Variants in UBE2G2 observed in about 807,000 individuals in gnomAD.
UBE2G2 encodes ubiquitin conjugating enzyme E2 G2.
UBE2G2 carries 10 observed loss-of-function variants against 23.0 expected under a neutral mutation model. The observed-to-expected ratio is 0.43, with a 90% CI of 0.27 to 0.74. UBE2G2 has a LOEUF of 0.74. Ranked by LOEUF, UBE2G2 falls within the 30% of genes least tolerant of loss-of-function variation. The pLI is 0.19. For synonymous variants in UBE2G2, 86 were observed against 81.3 expected (o/e 1.06, Z -0.31); for missense variants, 150 against 218.3 (o/e 0.69, Z 1.97).
At chr21:44,778,892 G>C (rs1338278160) in intron 3 of UBE2G2, among the ~76,000 whole-genome samples, 1 of 152,190 alleles carries the variant, frequency 6.6e-6, no homozygotes, top group East Asian at 1.9e-4. Flanking sequence ...GCAGAGGACA[G>C]TCCACACCAG....
chr21:44,778,245 G>A (rs2082927860), intron 3 of UBE2G2, among the ~76,000 whole-genome samples: 1 of 152,256 alleles, frequency 6.6e-6, no homozygotes, highest in South Asian at 2.1e-4. Flanking sequence ...TCAAGAAGCA[G>A]ATGAAGAGCA....
chr21:44,797,584 G>A (rs1032672963), intron 1 of UBE2G2, among the ~76,000 whole-genome samples: 28 of 151,916 alleles, frequency 1.8e-4, no homozygotes, highest in South Asian at 4.2e-4. Context: ...GCATGGTGGC[G>A]CGCGCCTGTA....
rs552259450 is a variant in UBE2G2 at position 44,771,240 on chromosome 21, G to GAA, written c.*135_*136dup. 397 of 579,024 alleles carry GAA rather than the reference G, an allele frequency of 6.9e-4. No individual in the cohort carries two copies. The highest frequency in any genetic ancestry group is 1.4e-3 in the South Asian group (58 of 41,338). The allele number at this position is 579,024 out of a possible 1,614,324, so 35.9% of individuals were successfully genotyped here. A position where few individuals can be genotyped will look rare whatever the true frequency, so the allele number is the denominator to read the frequency against. ...AGCCTGTTTGAAGTAGGAAAGGTTTGAAAAAAAAAAAAGATGCCATGGTTC... is the reference window on the plus strand; with the variant it reads ...AGCCTGTTTGAAGTAGGAAAGGTTTGAAAAAAAAAAAAAAGATGCCATGGTTC... On this transcript the variant is annotated 3_prime_UTR_variant, in exon 6 of 6. Coordinates refer to ENST00000345496, the MANE Select transcript of UBE2G2 (RefSeq NM_003343.6). The surrounding 1 kb of genome is among the most constrained non-coding windows in gnomAD (Gnocchi z 4.6).
intron 5 of UBE2G2, 63 bp downstream of exon 5, chr21:44,773,484 G>A: frequency 1.3e-6 from 2 of 1,550,310 alleles, no homozygotes; most frequent in Admixed American, 1.8e-5. Context: ...GATGACGCAA[G>A]GCTGGAGAAC....
chr21:44,794,254 A>G (rs2083067775), intron 1 of UBE2G2, among the ~76,000 whole-genome samples: 1 of 152,344 alleles, frequency 6.6e-6, no homozygotes, highest in African/African-American at 2.4e-5. Flanking sequence ...TGTGTGGTAG[A>G]GCAGCCCTAG....
At chr21:44,801,519 C>T in intron 1 of UBE2G2, 187 bp downstream of exon 1, 1 of 1,105,116 alleles carries the variant, frequency 9.0e-7, no homozygotes, top group African/African-American at 1.7e-5. Context: ...CTTCTCTTCA[C>T]GACTTCACGC....
intron 4 of UBE2G2, chr21:44,777,008 T>C: frequency 3.1e-6 from 1 of 320,116 alleles, no homozygotes; most frequent in East Asian, 7.6e-5. Context: ...CATAACCCCT[T>C]CTGAGCACAC....
Position 44,770,519 on chromosome 21 carries a change from G to A in UBE2G2, c.*858C>T, listed in dbSNP as rs2082864921. On this transcript the variant is annotated 3_prime_UTR_variant, in exon 6 of 6. Transcript: ENST00000345496. The stretch of plus-strand genomic sequence containing the variant: ...TGCTACCTCTGCCTCCCGGGTTCAA[G>A]CGATTCTCCTGCCTCAGCCTCCTGA... 2 of 152,274 alleles carry A rather than the reference G, an allele frequency of 1.3e-5. No homozygotes were observed. Among genetic ancestry groups the A allele is most frequent in the Admixed American group, 1.3e-4 (2 of 15,278 alleles). The allele number at this position is 152,274 out of a possible 1,614,324, so 9.4% of individuals were successfully genotyped here. A position where few individuals can be genotyped will look rare whatever the true frequency, so the allele number is the denominator to read the frequency against.
chr21:44,798,201 A>C (rs1346528355), intron 1 of UBE2G2, among the ~76,000 whole-genome samples: 3 of 152,230 alleles, frequency 2.0e-5, no homozygotes, highest in Non-Finnish European at 4.4e-5. Context: ...AATATGCTTA[A>C]TTTTTATTGC....
intron 1 of UBE2G2, among the ~76,000 whole-genome samples, chr21:44,799,432 G>C (rs1002944342): frequency 6.6e-6 from 1 of 152,120 alleles, no homozygotes; most frequent in Non-Finnish European, 1.5e-5. Context: ...CTTTCATCTT[G>C]ATCTTAGCTA....
At chr21:44,798,346 T>C (rs2083110258) in intron 1 of UBE2G2, among the ~76,000 whole-genome samples, 1 of 152,200 alleles carries the variant, frequency 6.6e-6, no homozygotes, top group African/African-American at 2.4e-5. Context: ...TGGTAGTTTC[T>C]GAAAATAAGA....
Position 44,781,072 on chromosome 21 carries a change from T to C in UBE2G2, c.126-3655A>G, listed in dbSNP as rs1189539866. On this transcript the variant is annotated intron_variant, in intron 3 of 5. Transcript: ENST00000345496. Reference sequence around the variant, plus strand: ...GCTGCTGTTCTCTTTATCAAGTTTGTCACAGCACATAGACAAGAAGTCTCC... The same window carrying C: ...GCTGCTGTTCTCTTTATCAAGTTTGCCACAGCACATAGACAAGAAGTCTCC... Among the ~76,000 whole-genome samples the C allele has an allele frequency of 2.6e-5, 4 of 152,214 alleles. No homozygotes were observed. In the East Asian group the frequency reaches 7.7e-4, roughly 29 times the overall value.
chr21:44,787,825 G>T, intron 3 of UBE2G2, 95 bp downstream of exon 3: 2 of 1,421,040 alleles, frequency 1.4e-6, no homozygotes, highest in Non-Finnish European at 1.9e-6. Flanking sequence ...CTTTTTTCCA[G>T]CTGATGCTTT....
chr21:44,790,935 A>G (rs2146400869), intron 1 of UBE2G2, among the ~76,000 whole-genome samples: 1 of 152,312 alleles, frequency 6.6e-6, no homozygotes, highest in Admixed American at 6.5e-5. Context: ...CTTCCTAGAG[A>G]CTTGCTGAAT....
At chr21:44,795,819 G>C (rs1342628973) in intron 1 of UBE2G2, among the ~76,000 whole-genome samples, 1 of 152,174 alleles carries the variant, frequency 6.6e-6, no homozygotes, top group Non-Finnish European at 1.5e-5. Flanking sequence ...TATTTACACA[G>C]GAGAAATAAA....
intron 3 of UBE2G2, among the ~76,000 whole-genome samples, chr21:44,781,725 G>A (rs2082958399): frequency 6.6e-6 from 1 of 152,108 alleles, no homozygotes; most frequent in African/African-American, 2.4e-5. Flanking sequence ...GATCCCCTGT[G>A]TTTCCTTTCT....
At position 44,777,435 on chromosome 21, in the gene UBE2G2, C is replaced by T. The variant is rs367913215; in HGVS notation, c.126-18G>A. The T allele has an allele frequency of 3.1e-5, 50 of 1,607,638 alleles. No individual in the cohort carries two copies. Among genetic ancestry groups the T allele is most frequent in the Admixed American group, 1.0e-4 (6 of 59,922 alleles). On this transcript the variant is annotated intron_variant, in intron 3 of 5. Coordinates refer to ENST00000345496, the MANE Select transcript of UBE2G2 (RefSeq NM_003343.6). ...CTGGGCCCCTAGAAGATATAAAATACGTAGACTGAACTTCAAAGTACATTT... is the reference window on the plus strand; with the variant it reads ...CTGGGCCCCTAGAAGATATAAAATATGTAGACTGAACTTCAAAGTACATTT...
In UBE2G2 at chr21:44,768,663, A is replaced by G. The variant is rs2082846424; in HGVS notation, c.*2714T>C. On this transcript the variant is annotated 3_prime_UTR_variant, in exon 6 of 6. Transcript: ENST00000345496. ...GGTCTCATCGCAACCAACCGTGACC[A>G]CAGAGGACCACAGAGGAGTGATGAC... 1 of 152,272 alleles carries G rather than the reference A, an allele frequency of 6.6e-6. No homozygotes were observed. Among genetic ancestry groups the G allele is most frequent in the Non-Finnish European group, 1.5e-5 (1 of 68,042 alleles). 9.4% of individuals were successfully genotyped at this position (152,272 alleles called of 1,614,324 possible).
At position 44,801,793 on chromosome 21, in the gene UBE2G2, C is replaced by CGT. The variant is rs1305258227; in HGVS notation, c.-47_-46dup. On this transcript the variant is annotated 5_prime_UTR_variant, in exon 1 of 6. Transcript: ENST00000345496. ...CGAGCGACCTCGCCTCAGCCGCGCG[C>CGT]GTGCCTCCTGCCCCGACACCGGGGA... 6.7e-7 allele frequency: 1 copy of CGT among 1,501,990 alleles called. No individual in the cohort carries two copies. The highest frequency in any genetic ancestry group is 8.9e-7 in the Non-Finnish European group (1 of 1,129,646). The allele number at this position is 1,501,990 out of a possible 1,614,324, so 93.0% of individuals were successfully genotyped here. A position where few individuals can be genotyped will look rare whatever the true frequency, so the allele number is the denominator to read the frequency against.
Sources: gnomAD v4.1 joint callset for allele counts (sites outside exome capture counted in the v4.1 genomes callset) on GRCh38, gnomAD v4.1.1 for gene constraint, Gnocchi (gnomAD v3.1) non-coding constraint, MANE v1.5 for transcripts, NCBI Gene and HGNC (gene_info 2026-07-23, HGNC 2026-07-21) for gene names.